DNAH7: variants seen among roughly 807,000 people sequenced by gnomAD.
DNAH7 encodes axonemal beta dynein heavy chain 7.
Under a neutral mutation model 444.6 loss-of-function variants are expected in DNAH7, and 397 were observed. That is an observed-to-expected ratio of 0.89 (90% CI 0.82 to 0.97). The LOEUF (loss-of-function observed/expected upper bound fraction) is 0.97, where lower values mean the gene tolerates loss of function less well. Among genes scored for constraint, DNAH7 ranks in the 50% least tolerant of loss-of-function variants. DNAH7 has a pLI of 0.00. For synonymous variants in DNAH7, 1,636 were observed against 1,624.4 expected (o/e 1.01, Z -0.17); for missense variants, 4,902 against 4,800.8 (o/e 1.02, Z -0.62).
At chr2:195,906,628 G>T (rs774512606) in intron 27 of DNAH7, 31 bp downstream of exon 27, 3 of 1,597,754 alleles carry the variant, frequency 1.9e-6, no homozygotes, top group Non-Finnish European at 2.6e-6. Flanking sequence ...TTATAGAGAA[G>T]AAATAGATTA....
At chr2:195,930,295 T>C (rs549494074) in intron 21 of DNAH7, among the ~76,000 whole-genome samples, 15 of 152,062 alleles carry the variant, frequency 9.9e-5, no homozygotes, top group East Asian at 7.7e-4. Flanking sequence ...TGAGATGAGA[T>C]TGCACCACTG....
intron 46 of DNAH7, among the ~76,000 whole-genome samples, chr2:195,847,681 C>T (rs539675377): frequency 6.1e-4 from 93 of 152,026 alleles, no homozygotes; most frequent in Non-Finnish European, 8.8e-5. Context: ...ATTCAATTTA[C>T]AAAGTAGTTG....
chr2:195,744,945 C>T (rs983843946), intron 63 of DNAH7, among the ~76,000 whole-genome samples: 7 of 152,294 alleles, frequency 4.6e-5, no homozygotes, highest in East Asian at 1.9e-4. Flanking sequence ...AAAAGCAGAG[C>T]GCCTCTCCTC....
intron 5 of DNAH7, among the ~76,000 whole-genome samples, chr2:196,028,381 T>C (rs1156285137): frequency 6.6e-6 from 1 of 152,304 alleles, no homozygotes; most frequent in African/African-American, 2.4e-5. Flanking sequence ...ATTCCTAAAA[T>C]ATGTATGGTT....
chr2:196,049,876 A>T (rs566347471), intron 3 of DNAH7, among the ~76,000 whole-genome samples: 1 of 152,336 alleles, frequency 6.6e-6, no homozygotes, highest in South Asian at 2.1e-4. Context: ...CAAACTAAAA[A>T]ATGTCTATTC....
intron 22 of DNAH7, among the ~76,000 whole-genome samples, chr2:195,925,504 G>A (rs1046747604): frequency 1.3e-5 from 2 of 152,132 alleles, no homozygotes; most frequent in African/African-American, 2.4e-5. Context: ...ATGCCCCAGT[G>A]CCCTGCTTTT....
At chr2:195,794,298 C>A (rs773302162) in intron 57 of DNAH7, 40 bp downstream of exon 57, 1 of 1,606,146 alleles carries the variant, frequency 6.2e-7, no homozygotes, top group Admixed American at 1.7e-5. Context: ...ACTTGAAGTG[C>A]TTTACAGGGC....
intron 9 of DNAH7, among the ~76,000 whole-genome samples, chr2:196,013,979 TC>T (rs371405180): frequency 5.9e-5 from 9 of 152,332 alleles, no homozygotes; most frequent in African/African-American, 2.2e-4. Flanking sequence ...AGACCAATTT[TC>T]CTTAGTTTCT....
intron 64 of DNAH7, among the ~76,000 whole-genome samples, chr2:195,739,199 C>T (rs1692838695): frequency 6.6e-6 from 1 of 152,190 alleles, no homozygotes; most frequent in South Asian, 2.1e-4. Flanking sequence ...CGATCAGCTC[C>T]TGAAATTGCA....
chr2:195,852,201 A>T (rs1395338858), intron 46 of DNAH7, among the ~76,000 whole-genome samples: 4 of 152,014 alleles, frequency 2.6e-5, no homozygotes, highest in East Asian at 1.9e-4. Flanking sequence ...GAGCTTGCAG[A>T]GAGCCGAGAT....
rs1695794778 is a variant in DNAH7, at chr2:196,027,978, A to G, written c.468T>C (p.Ala156=). 2 of 1,612,432 alleles carry G rather than the reference A, an allele frequency of 1.2e-6. No individual in the cohort carries two copies. The highest frequency in any genetic ancestry group is 1.3e-5 in the African/African-American group (1 of 74,858). The part of the protein sequence containing the change: ...GSTIPKPTAS[A]IEKDILRYYY... ...CAGTTACCAAGATGTCTTTCTCTAT[A>G]GCAGAAGCGGTCGGTTTTGGAATTG... The change falls in exon 6 of 65, where the codon GCT becomes GCC. Residue 156 remains alanine (A), a synonymous_variant. Coordinates refer to ENST00000312428, the MANE Select transcript of DNAH7 (RefSeq NM_018897.3).
rs761703315 is a variant in DNAH7, at chr2:195,756,256, T to C, written c.11463A>G (p.Glu3821=). The C allele has an allele frequency of 6.2e-7, 1 of 1,613,558 alleles. No homozygotes were observed. Among genetic ancestry groups the C allele is most frequent in the East Asian group, 2.2e-5 (1 of 44,856 alleles). ...CATTCAAAATGCTGCTAACCACTTC[T>C]TCAAGATCTGTAGACATGACTGCAA... ...KGLAVMSTDL[E]EVVSSILNVK... Residue 3821 remains glutamate, a synonymous_variant, in exon 62 of 65, where the codon GAA becomes GAG. Coordinates refer to ENST00000312428, the MANE Select transcript of DNAH7 (RefSeq NM_018897.3).
chr2:196,053,656 A>G (rs1697625512), intron 2 of DNAH7, among the ~76,000 whole-genome samples: 1 of 152,174 alleles, frequency 6.6e-6, no homozygotes, highest in Non-Finnish European at 1.5e-5. Context: ...TCTACCTCTC[A>G]AAGGCACTGC....
chr2:195,877,509 A>G (rs1451696971), intron 36 of DNAH7, among the ~76,000 whole-genome samples: 1 of 152,254 alleles, frequency 6.6e-6, no homozygotes, highest in East Asian at 1.9e-4. Flanking sequence ...AAATGGTAAA[A>G]TACCTCAAGC....
intron 2 of DNAH7, among the ~76,000 whole-genome samples, chr2:196,057,092 A>G (rs958254190): frequency 2.0e-5 from 3 of 152,210 alleles, no homozygotes; most frequent in African/African-American, 7.2e-5. Context: ...GGAAGAACTT[A>G]TAGCCAGGAA....
At chr2:195,929,949 G>A (rs1688580555) in intron 21 of DNAH7, among the ~76,000 whole-genome samples, 1 of 152,212 alleles carries the variant, frequency 6.6e-6, no homozygotes, top group Non-Finnish European at 1.5e-5. Flanking sequence ...TATAGACTGT[G>A]AGAAAACATT....
At position 195,737,860 on chromosome 2, in the gene DNAH7, A is replaced by T. The variant is rs1692727594; in HGVS notation, c.*61T>A. The stretch of plus-strand genomic sequence containing the variant: ...CAAAAAAAAAGGTTTAAGTAGTAAA[A>T]TATGCTTTCTCTACTCAGCCAGCCA... On this transcript the variant is annotated 3_prime_UTR_variant, in exon 65 of 65. Coordinates refer to ENST00000312428, the MANE Select transcript of DNAH7 (RefSeq NM_018897.3). 1.3e-6 allele frequency: 2 copies of T among 1,540,734 alleles called. No homozygotes were observed. Among genetic ancestry groups the T allele is most frequent in the Non-Finnish European group, 1.8e-6 (2 of 1,123,010 alleles).
chr2:195,800,421 G>C (rs1011342960), intron 54 of DNAH7, among the ~76,000 whole-genome samples: 1 of 152,192 alleles, frequency 6.6e-6, no homozygotes, highest in African/African-American at 2.4e-5. Flanking sequence ...CTTTAAAGAA[G>C]TTATTTGGTA....
intron 19 of DNAH7, among the ~76,000 whole-genome samples, chr2:195,938,164 T>C (rs978307002): frequency 1.3e-5 from 2 of 152,038 alleles, no homozygotes; most frequent in Non-Finnish European, 2.9e-5. Flanking sequence ...TTTTTTGGAT[T>C]ACAACAATGC....
Sources: allele counts gnomAD v4.1 joint callset (sites outside exome capture counted in the v4.1 genomes callset), GRCh38; gene constraint gnomAD v4.1.1; transcripts MANE v1.5; gene names NCBI Gene and HGNC (gene_info 2026-07-23, HGNC 2026-07-21).